DLGAP4: variants seen among roughly 807,000 people sequenced by gnomAD.
The protein encoded by DLGAP4 is disks large-associated protein 4.
A neutral mutation model predicts 86.9 loss-of-function variants in DLGAP4; 18 were observed. That is an observed-to-expected ratio of 0.21 (90% CI 0.14 to 0.31). DLGAP4 has a LOEUF of 0.31. DLGAP4 is among the 10% of genes least tolerant of loss of function. DLGAP4 has a pLI of 1.00. For synonymous variants in DLGAP4, 548 were observed against 574.3 expected (o/e 0.95, Z 0.65); for missense variants, 1,085 against 1,362.6 (o/e 0.80, Z 3.21).
chr20:36,412,531 C>T (rs1178671949), intron 2 of DLGAP4, among the ~76,000 whole-genome samples: 1 of 152,202 alleles, frequency 6.6e-6, no homozygotes, highest in African/African-American at 2.4e-5. Context: ...GGTTCAAATC[C>T]CAGCTCTGAC....
intron 10 of DLGAP4, among the ~76,000 whole-genome samples, chr20:36,505,243 T>C (rs1239564389): frequency 6.6e-6 from 1 of 152,086 alleles, no homozygotes; most frequent in African/African-American, 2.4e-5. Context: ...TGCCTTGGCC[T>C]CCCAAAGTGC....
At chr20:36,428,798 C>A (rs1351311841) in intron 2 of DLGAP4, among the ~76,000 whole-genome samples, 4 of 152,232 alleles carry the variant, frequency 2.6e-5, no homozygotes, top group Non-Finnish European at 5.9e-5. Context: ...GATTGCAGAG[C>A]TACATTCTCT....
At chr20:36,470,575 TAAA>T (rs75020252) in intron 7 of DLGAP4, among the ~76,000 whole-genome samples, 6 of 134,394 alleles carry the variant, frequency 4.5e-5, no homozygotes, top group Non-Finnish European at 6.5e-5. Flanking sequence ...CAAACTTGGT[TAAA>T]AAAAAAAAAA....
chr20:36,375,584 G>C (rs886698910), intron 2 of DLGAP4, among the ~76,000 whole-genome samples: 7 of 152,294 alleles, frequency 4.6e-5, no homozygotes, highest in Non-Finnish European at 1.0e-4. Context: ...CATCAGCGAT[G>C]ACAGGTGAGG....
chr20:36,374,365 A>G (rs1569477057), intron 2 of DLGAP4, among the ~76,000 whole-genome samples: 1 of 152,210 alleles, frequency 6.6e-6, no homozygotes, highest in Admixed American at 6.5e-5. Flanking sequence ...GTGATGCCTA[A>G]ACTGAGTAGC....
At chr20:36,471,185 T>C (rs572987361) in intron 7 of DLGAP4, among the ~76,000 whole-genome samples, 1 of 152,290 alleles carries the variant, frequency 6.6e-6, no homozygotes, top group South Asian at 2.1e-4. Context: ...GCCAGTGAGC[T>C]CATTCAAATA....
chr20:36,411,445 C>T (rs1247991983), intron 2 of DLGAP4, among the ~76,000 whole-genome samples: 1 of 152,180 alleles, frequency 6.6e-6, no homozygotes, highest in African/African-American at 2.4e-5. Flanking sequence ...TTTTTGACAG[C>T]TGCATAGCAG....
At chr20:36,513,554 CAAAAAAA>C (rs562398294) in intron 10 of DLGAP4, among the ~76,000 whole-genome samples, 14 of 40,562 alleles carry the variant, frequency 3.5e-4, no homozygotes, top group East Asian at 3.3e-3. Flanking sequence ...GACTCCGTCT[CAAAAAAA>C]AAAAAAAAAA....
chr20:36,317,338 TCTTTCTTTCC>T (rs2065118661), intron 1 of DLGAP4, among the ~76,000 whole-genome samples: 1 of 145,072 alleles, frequency 6.9e-6, no homozygotes, highest in Non-Finnish European at 1.5e-5. Context: ...CCTCTTTCTC[TCTTTCTTTCC>T]TTCTCTCTTT....
intron 6 of DLGAP4, among the ~76,000 whole-genome samples, chr20:36,443,661 G>A (rs2033512766): frequency 6.6e-6 from 1 of 152,116 alleles, no homozygotes; most frequent in Non-Finnish European, 1.5e-5. Flanking sequence ...GATGTGATGC[G>A]TTAACATACA....
chr20:36,349,424 A>C (rs2147386521), intron 1 of DLGAP4, among the ~76,000 whole-genome samples: 1 of 152,160 alleles, frequency 6.6e-6, no homozygotes, highest in South Asian at 2.1e-4. Context: ...TCTCCAAAAA[A>C]AAAAAAAAAA....
At chr20:36,387,329 T>C (rs1043247391) in intron 2 of DLGAP4, among the ~76,000 whole-genome samples, 1 of 152,254 alleles carries the variant, frequency 6.6e-6, no homozygotes, top group African/African-American at 2.4e-5. Flanking sequence ...AAAATGCCTG[T>C]TCATATACTT....
rs562398294 is a variant in DLGAP4, at chr20:36,513,554, C to CAAA, written c.2513-10673_2513-10671dup. On this transcript the variant is annotated intron_variant, in intron 10 of 12. Transcript: ENST00000339266. ...TGGGCGACAGAGCGAGACTCCGTCT[C>CAAA]AAAAAAAAAAAAAAAAAAAAAAAAA... is the stretch of plus-strand genomic sequence containing the variant. Among the ~76,000 whole-genome samples the CAAA allele has an allele frequency of 2.9e-3, 116 of 40,480 alleles. 1 individual carries two copies. The highest frequency in any genetic ancestry group is 0.01 in the Middle Eastern group (1 of 100). The allele number at this position is 40,480 out of a possible 152,430, so 26.6% of individuals were successfully genotyped here.
intron 2 of DLGAP4, among the ~76,000 whole-genome samples, chr20:36,405,546 TTAC>T (rs2032293494): frequency 1.3e-5 from 2 of 151,722 alleles, no homozygotes; most frequent in African/African-American, 4.8e-5. Flanking sequence ...GGAGGGAGAC[TTAC>T]TATTCTTTGA....
intron 7 of DLGAP4, among the ~76,000 whole-genome samples, chr20:36,449,534 G>A (rs1270840060): frequency 6.6e-6 from 1 of 152,162 alleles, no homozygotes; most frequent in Non-Finnish European, 1.5e-5. Flanking sequence ...CCCAGGTTCT[G>A]TGGCCTCCAC....
At chr20:36,450,832 T>C (rs985280354) in intron 7 of DLGAP4, among the ~76,000 whole-genome samples, 2 of 152,236 alleles carry the variant, frequency 1.3e-5, no homozygotes, top group Non-Finnish European at 2.9e-5. Flanking sequence ...CAGAGACTTA[T>C]TGATCCATGG....
chr20:36,421,181 C>T (rs868104843), intron 2 of DLGAP4, among the ~76,000 whole-genome samples: 3 of 150,870 alleles, frequency 2.0e-5, no homozygotes, highest in Middle Eastern at 7.0e-3. Context: ...AGGGGCCGGG[C>T]GCGGTGGCTC....
chr20:36,433,554 G>C (rs1188257803), intron 3 of DLGAP4, among the ~76,000 whole-genome samples: 1 of 152,228 alleles, frequency 6.6e-6, no homozygotes, highest in Non-Finnish European at 1.5e-5. Context: ...CAGATTTCAG[G>C]TGGAAGGAGC....
intron 2 of DLGAP4, among the ~76,000 whole-genome samples, chr20:36,409,034 CTTT>C (rs35210861): frequency 5.4e-5 from 6 of 111,150 alleles, no homozygotes; most frequent in Admixed American, 2.1e-4. Flanking sequence ...AAATAAAAGG[CTTT>C]TTTTTTTTTT....
Sources: allele counts gnomAD v4.1 joint callset (sites outside exome capture counted in the v4.1 genomes callset), GRCh38; gene constraint gnomAD v4.1.1; transcripts MANE v1.5; gene names NCBI Gene and HGNC (gene_info 2026-07-23, HGNC 2026-07-21).